Variants in COL24A1 observed in about 807,000 individuals in gnomAD.
The protein encoded by COL24A1 is collagen alpha-1(XXIV) chain.
Under a neutral mutation model 253.9 loss-of-function variants are expected in COL24A1, and 224 were observed. That is an observed-to-expected ratio of 0.88 (90% CI 0.79 to 0.99). The LOEUF is 0.99. Ranked by LOEUF, COL24A1 falls within the 50% of genes least tolerant of loss-of-function variation. The probability of loss-of-function intolerance (pLI) is 0.00; values close to 1 mark genes in which losing one functional copy is unlikely to be tolerated. For missense variants in COL24A1, 2,131 were observed against 2,068.5 expected, an observed-to-expected ratio of 1.03 and a Z score of -0.59; for synonymous variants, 685 against 673.7, an observed-to-expected ratio of 1.02 and a Z score of -0.26.
chr1:85,996,921 T>C, intron 19 of COL24A1, among the ~76,000 whole-genome samples: 1 of 151,858 alleles, frequency 6.6e-6, no homozygotes. Context: ...TACCTACTTT[T>C]GTTTTAGATA....
At position 86,125,996 on chromosome 1, in the gene COL24A1, A is replaced by G; in HGVS notation, c.340T>C (p.Ser114Pro). 6.8e-6 allele frequency: 11 copies of G among 1,613,604 alleles called. No individual in the cohort carries two copies. The South Asian group carries it at 1.1e-4, about 16-fold the overall frequency. The change falls in exon 3 of 60, where the codon TCA becomes CCA. Residue 114 changes from serine to proline, a missense_variant. By Grantham distance (74) the Ser-to-Pro change is moderately conservative. Transcript: ENST00000370571. ...QPFTILTGLQ[S>P]HRVNNAFLFS... ...AGAAATGCATTGTTCACCCGATGTGACTGTAACCCAGTTAATATTGTAAAC... is the reference window on the plus strand; with the variant it reads ...AGAAATGCATTGTTCACCCGATGTGGCTGTAACCCAGTTAATATTGTAAAC...
At chr1:86,022,662 T>C (rs557626969) in intron 16 of COL24A1, 71 bp from the exon 17 acceptor site, 12 of 1,474,976 alleles carry the variant, frequency 8.1e-6, no homozygotes, top group Admixed American at 3.9e-5. Flanking sequence ...AAAGCAAATA[T>C]TCATTGTAGA....
chr1:85,962,871 T>A (rs1001471000), intron 23 of COL24A1, among the ~76,000 whole-genome samples: 1 of 152,108 alleles, frequency 6.6e-6, no homozygotes, highest in Non-Finnish European at 1.5e-5. Flanking sequence ...AATAATGACA[T>A]GTGGCTACTG....
chr1:86,146,259 A>G (rs1289693932), intron 1 of COL24A1, 76 bp from the exon 2 acceptor site: 1 of 1,108,212 alleles, frequency 9.0e-7, no homozygotes, highest in African/African-American at 1.6e-5. Context: ...AAAACAGTCT[A>G]TGCAAGATTA....
Position 86,092,274 on chromosome 1 carries a change from C to A in COL24A1, c.1646G>T (p.Gly549Val). 6.3e-7 allele frequency: 1 copy of A among 1,599,334 alleles called. No homozygotes were observed. Among genetic ancestry groups the A allele is most frequent in the Non-Finnish European group, 8.6e-7 (1 of 1,169,174 alleles). The stretch of plus-strand genomic sequence containing the variant: ...TCATGGTCAAATAATTACCTTTTCT[C>A]CAGGAACAGGTTGACCTGGGGAAAA... Reference protein sequence around the residue: ...PGFSPGQPVPGEKGDQGLSGL... With the variant: ...PGFSPGQPVPVEKGDQGLSGL... Residue 549 changes from glycine (G) to valine (V), a missense_variant, in exon 6 of 60, where the codon GGA becomes GTA. Transcript: ENST00000370571.
intron 10 of COL24A1, among the ~76,000 whole-genome samples, chr1:86,053,793 A>G (rs12754643): frequency 0.12 from 17,599 of 152,148 alleles, 1,105 homozygotes; most frequent in Non-Finnish European, 0.14. Flanking sequence ...AAAAAATACC[A>G]ACAAATAACT....
At chr1:85,871,599 A>G (rs1346649182) in intron 35 of COL24A1, among the ~76,000 whole-genome samples, 1 of 152,258 alleles carries the variant, frequency 6.6e-6, no homozygotes, top group African/African-American at 2.4e-5. Context: ...TAAAAACCAC[A>G]TGATTATATC....
intron 2 of COL24A1, among the ~76,000 whole-genome samples, chr1:86,127,289 A>G (rs530205434): frequency 8.5e-5 from 13 of 152,226 alleles, no homozygotes; most frequent in Middle Eastern, 3.4e-3. Context: ...TGGATTTGAT[A>G]TAATTGTGGA....
chr1:86,087,284 A>G (rs1033279768), intron 7 of COL24A1, among the ~76,000 whole-genome samples: 1 of 152,204 alleles, frequency 6.6e-6, no homozygotes, highest in Non-Finnish European at 1.5e-5. Flanking sequence ...ATAATTCAAA[A>G]TAATGTTACA....
chr1:85,808,614 C>A (rs1672220476), intron 47 of COL24A1, among the ~76,000 whole-genome samples: 2 of 152,228 alleles, frequency 1.3e-5, no homozygotes, highest in South Asian at 4.2e-4. Context: ...GGATATCTCA[C>A]AAAATATCAT....
Position 86,125,641 on chromosome 1 carries a change from G to T in COL24A1, c.695C>A (p.Ala232Glu). ...LDIIPSAEASADYCRYVKQQC... is the reference protein window; with the variant it reads ...LDIIPSAEASEDYCRYVKQQC... ...CTGTTTCACATATCTGCAGTAGTCT[G>T]CAGATGCTTCTGCAGAAGGAATAAT... Residue 232 changes from alanine (A) to glutamate (E), a missense_variant, in exon 3 of 60, where the codon GCA becomes GAA. Transcript: ENST00000370571. 1 of 1,612,784 alleles carries T rather than the reference G, an allele frequency of 6.2e-7. No individual in the cohort carries two copies. The highest frequency in any genetic ancestry group is 8.5e-7 in the Non-Finnish European group (1 of 1,179,184).
At position 85,871,218 on chromosome 1, in the gene COL24A1, CA is replaced by C. The variant is rs374104925; in HGVS notation, c.3139-2384del. 2.1e-3 allele frequency among the ~76,000 whole-genome samples: 313 copies of C among 152,024 alleles called. 9 individuals carry two copies. In the South Asian group the frequency reaches 0.052, roughly 25 times the overall value. On this transcript the variant is annotated intron_variant, in intron 35 of 59. Transcript: ENST00000370571. ...AGTCAATAATTAATAGCCTACCAAC[CA>C]AAAAAAGTCCAGGACCAGATGGATT...
intron 53 of COL24A1, among the ~76,000 whole-genome samples, chr1:85,773,302 G>A (rs1364517428): frequency 2.0e-5 from 3 of 152,152 alleles, no homozygotes; most frequent in Non-Finnish European, 2.9e-5. Context: ...GTCAGGTAGT[G>A]TGATGACTCC....
chr1:85,836,066 T>G (rs1675967494), intron 43 of COL24A1, among the ~76,000 whole-genome samples: 1 of 152,182 alleles, frequency 6.6e-6, no homozygotes, highest in South Asian at 2.1e-4. Context: ...TTGCTAAGTT[T>G]TCCCCAGTTT....
At chr1:85,962,375 T>G (rs1691166124) in intron 23 of COL24A1, among the ~76,000 whole-genome samples, 1 of 152,222 alleles carries the variant, frequency 6.6e-6, no homozygotes, top group South Asian at 2.1e-4. Context: ...TAAAGCTTAT[T>G]TTGTTCTGAA....
At chr1:85,997,055 G>GTGTGTGTGCGTGTGTATATATATATATA in intron 19 of COL24A1, among the ~76,000 whole-genome samples, 1 of 95,090 alleles carries the variant, frequency 1.1e-5, no homozygotes. Flanking sequence ...GTGTGTGTGT[G>GTGTGTGTGCGTGTGTATATATATATATA]TATATATATA....
At chr1:86,007,711 A>G (rs906838118) in intron 19 of COL24A1, among the ~76,000 whole-genome samples, 3 of 152,212 alleles carry the variant, frequency 2.0e-5, no homozygotes, top group African/African-American at 4.8e-5. Context: ...CAATCTAAAA[A>G]GGCTACATAC....
chr1:85,827,990 T>C (rs1674619562), intron 43 of COL24A1, among the ~76,000 whole-genome samples: 1 of 152,076 alleles, frequency 6.6e-6, no homozygotes, highest in African/African-American at 2.4e-5. Flanking sequence ...CTCTTGCTTT[T>C]CTAGTTCTTT....
intron 48 of COL24A1, among the ~76,000 whole-genome samples, chr1:85,784,922 G>C (rs185076467): frequency 3.0e-3 from 455 of 152,076 alleles, no homozygotes; most frequent in African/African-American, 0.011. Context: ...GTAGAGACAG[G>C]ATCTCACTAT....
Sources: gnomAD v4.1 joint callset for allele counts (sites outside exome capture counted in the v4.1 genomes callset) on GRCh38, gnomAD v4.1.1 for gene constraint, MANE v1.5 for transcripts, NCBI Gene and HGNC (gene_info 2026-07-23, HGNC 2026-07-21) for gene names.